Variants in BCO2 observed in about 807,000 individuals in gnomAD.
BCO2 encodes the protein beta-carotene oxygenase 2.
Under a neutral mutation model 65.8 loss-of-function variants are expected in BCO2, and 56 were observed. That is an observed-to-expected ratio of 0.85 (90% CI 0.69 to 1.06). The LOEUF is 1.06. Among genes scored for constraint, BCO2 ranks in the 50% least tolerant of loss-of-function variants. The pLI, the probability that BCO2 is intolerant of heterozygous loss-of-function variation, is 0.00. For synonymous variants in BCO2, 233 were observed against 242.3 expected, an observed-to-expected ratio of 0.96 and a Z score of 0.36; for missense variants, 675 against 698.5, an observed-to-expected ratio of 0.97 and a Z score of 0.38.
chr11:112,193,397 T>C (rs1471954233), intron 2 of BCO2, 77 bp from the exon 3 acceptor site: 1 of 1,281,978 alleles, frequency 7.8e-7, no homozygotes, highest in Admixed American at 2.0e-5. Context: ...ATATTTGAAA[T>C]GAAGATCTAT....
chr11:112,204,262 A>G (rs1392624023), intron 8 of BCO2, among the ~76,000 whole-genome samples: 2 of 152,160 alleles, frequency 1.3e-5, no homozygotes, highest in Admixed American at 6.5e-5. Context: ...AGATTGAGTA[A>G]TACTCCATTG....
intron 8 of BCO2, among the ~76,000 whole-genome samples, 198 bp downstream of exon 8, chr11:112,202,388 T>G (rs928025921): frequency 1.3e-5 from 2 of 152,106 alleles, no homozygotes; most frequent in Non-Finnish European, 2.9e-5. Flanking sequence ...GTTCAAGAGA[T>G]TCTTGTGCCT....
chr11:112,213,212 C>T (rs911635359), intron 8 of BCO2, among the ~76,000 whole-genome samples: 2 of 122,626 alleles, frequency 1.6e-5, no homozygotes, highest in East Asian at 2.9e-4. Flanking sequence ...GGCATGATCT[C>T]GGCTCACCGC....
intron 2 of BCO2, among the ~76,000 whole-genome samples, chr11:112,188,936 G>A (rs1867288643): frequency 2.0e-5 from 3 of 152,010 alleles, no homozygotes; most frequent in Non-Finnish European, 2.9e-5. Flanking sequence ...ATCTAACAAG[G>A]TGAAATATAT....
chr11:112,190,014 C>T (rs531957084), intron 2 of BCO2, among the ~76,000 whole-genome samples: 7 of 152,182 alleles, frequency 4.6e-5, no homozygotes, highest in East Asian at 1.9e-4. Flanking sequence ...GGCCAAATAT[C>T]GTGGCTGACA....
At chr11:112,193,724 T>TA in intron 3 of BCO2, 27 bp downstream of exon 3, 4 of 1,589,586 alleles carry the variant, frequency 2.5e-6, no homozygotes, top group Non-Finnish European at 3.4e-6. Context: ...TTTAAACTAT[T>TA]ACGATATATA....
At chr11:112,205,181 G>C (rs866641186) in intron 8 of BCO2, among the ~76,000 whole-genome samples, 4 of 152,138 alleles carry the variant, frequency 2.6e-5, no homozygotes, top group Non-Finnish European at 4.4e-5. Flanking sequence ...ACCCCACTCC[G>C]TGTTGTTCAA....
At chr11:112,178,293 A>G (rs1007049520) in intron 1 of BCO2, among the ~76,000 whole-genome samples, 2 of 152,140 alleles carry the variant, frequency 1.3e-5, no homozygotes, top group Non-Finnish European at 2.9e-5. Flanking sequence ...AAAAATCAGT[A>G]AAGAATTAGG....
intron 1 of BCO2, chr11:112,176,176 C>T (rs1592828398): frequency 6.5e-6 from 1 of 153,916 alleles, no homozygotes; most frequent in Non-Finnish European, 1.4e-5. Context: ...CTAATATGCA[C>T]TATAAATTTT....
rs771776307 is a variant in BCO2, at chr11:112,193,701, A to T, written c.517+4A>T. 1 of 1,609,778 alleles carries T rather than the reference A, an allele frequency of 6.2e-7. No individual in the cohort carries two copies. Among genetic ancestry groups the T allele is most frequent in the South Asian group, 1.1e-5 (1 of 90,742 alleles). On this transcript the variant is annotated splice_donor_region_variant and intron_variant, in intron 3 of 11. Coordinates refer to ENST00000357685, the MANE Select transcript of BCO2 (RefSeq NM_031938.7). Reference sequence around the variant, plus strand: ...GAGCTGCCTGGTAAAGCTGCAGGTGATAGTGATGATTATTTAAACTATTAC... The same window carrying T: ...GAGCTGCCTGGTAAAGCTGCAGGTGTTAGTGATGATTATTTAAACTATTAC...
intron 2 of BCO2, chr11:112,182,913 C>A (rs1318539957): frequency 1.5e-6 from 2 of 1,306,540 alleles, no homozygotes; most frequent in African/African-American, 2.9e-5. Context: ...TTTTGAGGAT[C>A]CTTCTGGTCT....
intron 2 of BCO2, among the ~76,000 whole-genome samples, chr11:112,184,292 G>C (rs185834068): frequency 1.2e-3 from 174 of 149,720 alleles, no homozygotes; most frequent in Non-Finnish European, 2.0e-3. Flanking sequence ...TCGCTGTGTC[G>C]CCCAGGCTGG....
intron 8 of BCO2, among the ~76,000 whole-genome samples, chr11:112,208,114 C>T (rs1324187076): frequency 1.3e-5 from 2 of 152,010 alleles, no homozygotes; most frequent in East Asian, 3.8e-4. Flanking sequence ...CATGTGCCAC[C>T]ATTCCTGGCT....
intron 2 of BCO2, among the ~76,000 whole-genome samples, chr11:112,185,036 C>G (rs1275413501): frequency 6.6e-6 from 1 of 152,172 alleles, no homozygotes; most frequent in Non-Finnish European, 1.5e-5. Flanking sequence ...AAAGCAACTT[C>G]AGAAATGAAT....
At position 112,176,528 on chromosome 11, in the gene BCO2, G is replaced by GGGC. The variant is rs71060227; in HGVS notation, c.88+839_88+840insGGC. 2 of 81,128 alleles carry GGGC rather than the reference G, an allele frequency of 2.5e-5. 1 individual carries two copies. Among genetic ancestry groups the GGGC allele is most frequent in the Non-Finnish European group, 5.0e-5 (2 of 40,102 alleles). The allele number at this position is 81,128 out of a possible 1,614,324, so 5.0% of individuals were successfully genotyped here. ...AGAAAATTGATTGGCGGGGGGGGGG[G>GGGC]AATTAAACATTCTATTTTGACATGT... On this transcript the variant is annotated intron_variant, in intron 1 of 11. Transcript: ENST00000357685.
intron 2 of BCO2, chr11:112,181,764 C>G: frequency 1.2e-6 from 1 of 854,762 alleles, no homozygotes; most frequent in Admixed American, 1.7e-5. Flanking sequence ...TGGTGCCGAT[C>G]TTTCTTGTTT....
chr11:112,199,892 A>G lies in BCO2; in HGVS notation c.865+65A>G, dbSNP rs1162662811. 2.2e-5 allele frequency: 35 copies of G among 1,560,758 alleles called. 2 individuals carry two copies. The South Asian group carries it at 2.5e-4, about 11-fold the overall frequency. On this transcript the variant is annotated intron_variant, in intron 6 of 11. Transcript: ENST00000357685. ...TTGATGTTGCTGTAGCAGAAGGACT[A>G]GTCTGGCAAATGTTATGTTAATAGT... is the stretch of plus-strand genomic sequence containing the variant.
chr11:112,216,116 C>A, intron 10 of BCO2, 104 bp from the exon 11 acceptor site: 1 of 773,740 alleles, frequency 1.3e-6, no homozygotes, highest in Non-Finnish European at 2.2e-6. Flanking sequence ...GGACACACAT[C>A]CAAACTACAT....
At chr11:112,190,906 G>A (rs1867367298) in intron 2 of BCO2, among the ~76,000 whole-genome samples, 1 of 148,490 alleles carries the variant, frequency 6.7e-6, no homozygotes, top group South Asian at 2.1e-4. Context: ...AGGATTTGTT[G>A]GATAGTTGCT....
Sources: allele counts gnomAD v4.1 joint callset (sites outside exome capture counted in the v4.1 genomes callset), GRCh38; gene constraint gnomAD v4.1.1; transcripts MANE v1.5; gene names NCBI Gene and HGNC (gene_info 2026-07-23, HGNC 2026-07-21).